Variants in LRRC40 observed in about 807,000 individuals in gnomAD.
LRRC40 encodes the protein leucine-rich repeat-containing protein 40.
Under a neutral mutation model 72.8 loss-of-function variants are expected in LRRC40, and 76 were observed. That is an observed-to-expected ratio of 1.04 (90% confidence interval 0.87 to 1.26). The LOEUF is 1.26. Among genes scored for constraint, LRRC40 ranks in the 50% most tolerant of loss-of-function variants. LRRC40 has a pLI of 0.00. For missense variants in LRRC40, 684 were observed against 698.9 expected, an observed-to-expected ratio of 0.98 and a Z score of 0.24; for synonymous variants, 243 against 254.2, an observed-to-expected ratio of 0.96 and a Z score of 0.42.
At chr1:70,160,666 G>A (rs1224998532) in intron 9 of LRRC40, among the ~76,000 whole-genome samples, 1 of 151,856 alleles carries the variant, frequency 6.6e-6, no homozygotes, top group African/African-American at 2.4e-5. Flanking sequence ...AATGAGGTAG[G>A]GTATTCTTAA....
rs769482672 is a variant in LRRC40, at chr1:70,159,359, G to A, written c.1191C>T (p.Ala397=). Residue 397 remains alanine (A), a synonymous_variant, in exon 10 of 15, where the codon GCC becomes GCT. Transcript: ENST00000370952. ...LPSESRVNIH[A]IITLKILDYS... is the part of the protein sequence containing the mutation. The stretch of plus-strand genomic sequence containing the variant: ...AGTCTAATATTTTTAATGTAATGAT[G>A]GCATGTATATTGACTCTGGATTCAC... 6.5e-6 allele frequency: 10 copies of A among 1,540,946 alleles called. No homozygotes were observed. The African/African-American group carries it at 1.1e-4, about 17-fold the overall frequency.
Position 70,187,320 on chromosome 1 carries a change from T to A in LRRC40, c.352A>T (p.Thr118Ser), listed in dbSNP as rs773384921. Residue 118 changes from threonine (T) to serine (S), a missense_variant, in exon 3 of 15, where the codon ACA becomes TCA. Coordinates refer to ENST00000370952, the MANE Select transcript of LRRC40 (RefSeq NM_017768.5). ...TCTCTTATAGCAGAAGGAAGGGATG[T>A]CAACTGATTATCATGTATCTAAAAG... ...TVLDIHDNQL[T>S]SLPSAIRELE... The A allele has an allele frequency of 6.4e-7, 1 of 1,573,778 alleles. No homozygotes were observed. Among genetic ancestry groups the A allele is most frequent in the Non-Finnish European group, 8.7e-7 (1 of 1,148,292 alleles).
chr1:70,170,274 A>C (rs1324093856), intron 9 of LRRC40, among the ~76,000 whole-genome samples: 2 of 152,202 alleles, frequency 1.3e-5, no homozygotes, highest in Non-Finnish European at 2.9e-5. Context: ...GGGCATCTAC[A>C]AAAAATCCAC....
intron 9 of LRRC40, among the ~76,000 whole-genome samples, chr1:70,166,447 T>C (rs1221659561): frequency 6.6e-6 from 1 of 151,822 alleles, no homozygotes; most frequent in Non-Finnish European, 1.5e-5. Flanking sequence ...ATCATTTGAG[T>C]CTCAGAGTTC....
At chr1:70,189,368 T>C in intron 1 of LRRC40, 95 bp from the exon 2 acceptor site, 1 of 1,004,006 alleles carries the variant, frequency 1.0e-6, no homozygotes, top group Non-Finnish European at 1.4e-6. Flanking sequence ...ATAATAGCCA[T>C]TCCATTTATC....
intron 1 of LRRC40, among the ~76,000 whole-genome samples, chr1:70,202,672 A>T (rs1668774104): frequency 1.3e-5 from 2 of 152,218 alleles, no homozygotes; most frequent in African/African-American, 4.8e-5. Flanking sequence ...GAGCCCTAAC[A>T]AACCTATGAA....
In LRRC40 at chr1:70,145,690, G is replaced by C. The variant is rs576227712; in HGVS notation, c.*110C>G. ...GGTAGGTGATACTGGGAAACTACAAGATCAATTACAATAATCACCTTTTAA... is the reference window on the plus strand; with the variant it reads ...GGTAGGTGATACTGGGAAACTACAACATCAATTACAATAATCACCTTTTAA... On this transcript the variant is annotated 3_prime_UTR_variant, in exon 15 of 15. Transcript: ENST00000370952. 6 of 560,452 alleles carry C rather than the reference G, an allele frequency of 1.1e-5. No individual in the cohort carries two copies. The highest frequency in any genetic ancestry group is 3.0e-5 in the Admixed American group (1 of 33,084). 34.7% of individuals were successfully genotyped at this position (560,452 alleles called of 1,614,324 possible). A position where few individuals can be genotyped will look rare whatever the true frequency, so the allele number is the denominator to read the frequency against.
At chr1:70,149,085 G>C (rs1297488455) in intron 13 of LRRC40, among the ~76,000 whole-genome samples, 1 of 152,090 alleles carries the variant, frequency 6.6e-6, no homozygotes, top group Non-Finnish European at 1.5e-5. Flanking sequence ...TTTGACTGAG[G>C]CTTCTAAAAT....
At chr1:70,173,362 A>T in intron 9 of LRRC40, 103 bp downstream of exon 9, 1 of 770,632 alleles carries the variant, frequency 1.3e-6, no homozygotes, top group Non-Finnish European at 2.2e-6. Context: ...AGGATCTATT[A>T]CTTCCAAATA....
chr1:70,146,133 T>C (rs997756406), intron 14 of LRRC40, among the ~76,000 whole-genome samples: 7 of 152,128 alleles, frequency 4.6e-5, no homozygotes, highest in Non-Finnish European at 1.0e-4. Context: ...CAAGTAATTC[T>C]CATGCCTCAG....
intron 1 of LRRC40, among the ~76,000 whole-genome samples, chr1:70,205,181 C>A (rs988469126): frequency 1.3e-5 from 2 of 152,148 alleles, no homozygotes; most frequent in Non-Finnish European, 1.5e-5. Context: ...TTAGCAGGGT[C>A]CCTTTAACAG....
intron 13 of LRRC40, among the ~76,000 whole-genome samples, chr1:70,149,323 C>T (rs1315060532): frequency 1.3e-5 from 2 of 152,122 alleles, no homozygotes; most frequent in African/African-American, 4.8e-5. Flanking sequence ...TGGGCAGGAA[C>T]GAGAGCTTTG....
intron 4 of LRRC40, among the ~76,000 whole-genome samples, chr1:70,184,060 C>T (rs540230351): frequency 1.3e-5 from 2 of 152,072 alleles, no homozygotes; most frequent in East Asian, 3.9e-4. Context: ...ATCAGTCTGG[C>T]CAAATGGTGA....
At chr1:70,174,352 G>A (rs770344878) in intron 7 of LRRC40, among the ~76,000 whole-genome samples, 10 of 152,002 alleles carry the variant, frequency 6.6e-5, no homozygotes, top group Non-Finnish European at 1.3e-4. Flanking sequence ...TTACAATGCT[G>A]GTGGGAATAT....
intron 9 of LRRC40, among the ~76,000 whole-genome samples, chr1:70,164,588 C>T (rs1667838908): frequency 6.6e-6 from 1 of 152,130 alleles, no homozygotes; most frequent in South Asian, 2.1e-4. Flanking sequence ...AGGACCTCAC[C>T]CTTGGCAGGC....
intron 4 of LRRC40, 148 bp downstream of exon 4, chr1:70,184,637 A>G: frequency 1.4e-6 from 1 of 727,168 alleles, no homozygotes; most frequent in Non-Finnish European, 2.1e-6. Context: ...AAATTTAGCT[A>G]TCTTATTGAA....
intron 1 of LRRC40, among the ~76,000 whole-genome samples, chr1:70,191,965 C>T (rs1668510256): frequency 6.6e-6 from 1 of 151,922 alleles, no homozygotes. Context: ...TTTTTTGGTT[C>T]CACATGAATT....
intron 10 of LRRC40, among the ~76,000 whole-genome samples, chr1:70,156,251 C>T (rs1232477505): frequency 6.6e-6 from 1 of 152,004 alleles, no homozygotes; most frequent in East Asian, 1.9e-4. Context: ...AAAAGTTCAA[C>T]ATTATACTAA....
intron 2 of LRRC40, among the ~76,000 whole-genome samples, chr1:70,187,838 GGAAGAGAAGA>G (rs60796937): frequency 0.086 from 10,690 of 123,706 alleles, 488 homozygotes; most frequent in Non-Finnish European, 0.1. Flanking sequence ...CTCAAAAAAT[GGAAGAGAAGA>G]GAAGAGAAGA....
Sources: allele counts gnomAD v4.1 joint callset (sites outside exome capture counted in the v4.1 genomes callset), GRCh38; gene constraint gnomAD v4.1.1; transcripts MANE v1.5; gene names NCBI Gene and HGNC (gene_info 2026-07-23, HGNC 2026-07-21).